Variants in R3HDM2 observed in about 807,000 individuals in gnomAD.
R3HDM2 encodes R3H domain containing 2, also known as R3H domain-containing protein 2.
A neutral mutation model predicts 124.5 loss-of-function variants in R3HDM2; 38 were observed. That is an observed-to-expected ratio of 0.31 (90% CI 0.24 to 0.40). R3HDM2 has a LOEUF of 0.40. Ranked by LOEUF, R3HDM2 falls within the 10% of genes least tolerant of loss-of-function variation. The pLI is 1.00. For missense variants in R3HDM2, 869 were observed against 1,236.9 expected, an observed-to-expected ratio of 0.70 and a Z score of 4.46; for synonymous variants, 391 against 448.0, an observed-to-expected ratio of 0.87 and a Z score of 1.61.
intron 14 of R3HDM2, among the ~76,000 whole-genome samples, chr12:57,278,999 C>G (rs889549250): frequency 6.6e-6 from 1 of 151,836 alleles, no homozygotes; most frequent in East Asian, 1.9e-4. Context: ...GATGAGGGAG[C>G]CTGGGAGGTA....
rs1034828426 is a variant in R3HDM2, at chr12:57,296,237, C to CG, written c.701+173dup. Among the ~76,000 whole-genome samples the CG allele has an allele frequency of 3.3e-5, 5 of 151,476 alleles. No individual in the cohort carries two copies. Among genetic ancestry groups the CG allele is most frequent in the Non-Finnish European group, 7.4e-5 (5 of 67,876 alleles). ...CTTGCTGTGTTGACCAGGCTGGTCT[C>CG]GAACTCCTGGCTTCAAGCAGTCTTC... On this transcript the variant is annotated intron_variant, in intron 9 of 23. Transcript: ENST00000402412. This position sits in a 1 kb window ranked among gnomAD's most constrained non-coding sequence, Gnocchi z 4.5.
At chr12:57,407,821 G>A (rs1594552120) in intron 1 of R3HDM2, among the ~76,000 whole-genome samples, 2 of 152,186 alleles carry the variant, frequency 1.3e-5, no homozygotes, top group African/African-American at 4.8e-5. Context: ...CTAGAGTGCA[G>A]TTGTAAAATC....
chr12:57,404,937 CCACT>C (rs2068394783), intron 1 of R3HDM2, among the ~76,000 whole-genome samples: 1 of 151,694 alleles, frequency 6.6e-6, no homozygotes. Flanking sequence ...AGATACCCAC[CCACT>C]ATGAAACCTT....
chr12:57,320,261 C>CAAAAAAAA lies in R3HDM2; in HGVS notation c.-35-9806_-35-9799dup, dbSNP rs56207989. Among the ~76,000 whole-genome samples, 95 of 14,280 alleles carry CAAAAAAAA rather than the reference C, an allele frequency of 6.7e-3. 20 individuals carry two copies. The highest frequency in any genetic ancestry group is 0.018 in the African/African-American group (81 of 4,406). The allele number at this position is 14,280 out of a possible 152,430, so 9.4% of individuals were successfully genotyped here. On this transcript the variant is annotated intron_variant, in intron 2 of 23. Coordinates refer to ENST00000402412, the MANE Select transcript of R3HDM2 (RefSeq NM_001394031.1). ...GGGCAACAAGAGTGCAACTCTATCT[C>CAAAAAAAA]AAAAAAAAAAAAAAAAAAAAAAAAA...
rs374372500 is a variant in R3HDM2, at chr12:57,346,464, C to CA, written c.-35-36002dup. 2.1e-3 allele frequency among the ~76,000 whole-genome samples: 296 copies of CA among 142,420 alleles called. 6 individuals are homozygous for CA. In the South Asian group the frequency reaches 0.049, roughly 24 times the overall value. 93.4% of individuals were successfully genotyped at this position (142,420 alleles called of 152,430 possible). ...CAAGAGTGAAACTCCATCTCAAAAA[C>CA]AAAAAAAAAAGAAACCATGAGAACT... is the stretch of plus-strand genomic sequence containing the variant. On this transcript the variant is annotated intron_variant, in intron 2 of 23. Transcript: ENST00000402412.
chr12:57,362,429 T>C (rs1338815878), intron 2 of R3HDM2, among the ~76,000 whole-genome samples: 2 of 152,270 alleles, frequency 1.3e-5, no homozygotes, highest in Non-Finnish European at 2.9e-5. Flanking sequence ...AAAATATGTT[T>C]TAATCAACTG....
At chr12:57,371,643 A>G (rs1392145412) in intron 2 of R3HDM2, among the ~76,000 whole-genome samples, 1 of 152,222 alleles carries the variant, frequency 6.6e-6, no homozygotes, top group Non-Finnish European at 1.5e-5. Flanking sequence ...TGCTTCTCAT[A>G]GGGATTTCTC....
At chr12:57,406,798 C>T (rs1008284248) in intron 1 of R3HDM2, among the ~76,000 whole-genome samples, 5 of 152,102 alleles carry the variant, frequency 3.3e-5, no homozygotes, top group Non-Finnish European at 7.3e-5. Context: ...GATATAACTA[C>T]CAATTTGAAG....
intron 2 of R3HDM2, among the ~76,000 whole-genome samples, chr12:57,376,206 C>T (rs529832070): frequency 2.6e-5 from 4 of 152,226 alleles, no homozygotes; most frequent in Non-Finnish European, 5.9e-5. Context: ...GACCAGAGGA[C>T]ATACCTACCT....
intron 1 of R3HDM2, among the ~76,000 whole-genome samples, chr12:57,413,181 CT>C (rs906686538): frequency 1.4e-4 from 22 of 151,906 alleles, no homozygotes; most frequent in African/African-American, 5.3e-4. Flanking sequence ...AAAAAGAAAA[CT>C]TATGTCACCA....
Position 57,268,323 on chromosome 12 carries a change from A to G in R3HDM2, c.2010T>C (p.Pro670=), listed in dbSNP as rs924620709. ...CTCACCTCGTACCGTTCTGCTGAGC[A>G]GGTGGGATCATGCTATAGTACACTG... is the stretch of plus-strand genomic sequence containing the variant. ...GVPVYYSMIP[P]AQQNGTSPSV... is the part of the protein sequence containing the mutation. Residue 670 remains proline, a synonymous_variant, in exon 18 of 24, where the codon CCT becomes CCC. Transcript: ENST00000402412. 1 of 1,613,950 alleles carries G rather than the reference A, an allele frequency of 6.2e-7. No individual in the cohort carries two copies. Among genetic ancestry groups the G allele is most frequent in the Non-Finnish European group, 8.5e-7 (1 of 1,179,890 alleles).
intron 1 of R3HDM2, among the ~76,000 whole-genome samples, chr12:57,430,078 T>C (rs1425424745): frequency 6.6e-6 from 1 of 152,222 alleles, no homozygotes; most frequent in Non-Finnish European, 1.5e-5. Context: ...AGTTCTGGGA[T>C]TGTTATTCGG....
At chr12:57,277,889 TC>T (rs2045219393) in intron 14 of R3HDM2, among the ~76,000 whole-genome samples, 1 of 151,916 alleles carries the variant, frequency 6.6e-6, no homozygotes, top group Non-Finnish European at 1.5e-5. Context: ...GCAACTTTGG[TC>T]TAGGGAGCCC....
chr12:57,369,919 T>C (rs1818282325), intron 2 of R3HDM2, among the ~76,000 whole-genome samples: 1 of 152,208 alleles, frequency 6.6e-6, no homozygotes, highest in South Asian at 2.1e-4. Context: ...TGCTTTAAAT[T>C]ATAAGCACCT....
At chr12:57,320,168 G>A (rs2056100819) in intron 2 of R3HDM2, among the ~76,000 whole-genome samples, 1 of 146,004 alleles carries the variant, frequency 6.8e-6, no homozygotes, top group African/African-American at 2.5e-5. Context: ...GGCTGAAGCA[G>A]GAGAATCGCT....
chr12:57,320,186 G>A (rs765464905), intron 2 of R3HDM2, among the ~76,000 whole-genome samples: 43 of 144,014 alleles, frequency 3.0e-4, no homozygotes, highest in Non-Finnish European at 4.8e-4. Context: ...GCTTGAACCC[G>A]GGAGGTGGAG....
chr12:57,376,433 G>A (rs1349179535), intron 2 of R3HDM2, among the ~76,000 whole-genome samples: 1 of 152,178 alleles, frequency 6.6e-6, no homozygotes, highest in Non-Finnish European at 1.5e-5. Flanking sequence ...AGGCTTGTAG[G>A]ATATCCCTGA....
Position 57,269,650 on chromosome 12 carries a change from G to A in R3HDM2, c.1587+102C>T. ...GAACAACTCTCAAGTGCAAGGTAGG[G>A]AGAGGTATTCCCTCTGGTCTGTCTA... is the stretch of plus-strand genomic sequence containing the variant. On this transcript the variant is annotated intron_variant, in intron 15 of 23. Transcript: ENST00000402412. 4 of 1,519,540 alleles carry A rather than the reference G, an allele frequency of 2.6e-6. No individual in the cohort carries two copies. In the South Asian group the frequency reaches 5.0e-5, roughly 19 times the overall value. The allele number at this position is 1,519,540 out of a possible 1,614,324, so 94.1% of individuals were successfully genotyped here. A position where few individuals can be genotyped will look rare whatever the true frequency, so the allele number is the denominator to read the frequency against.
intron 3 of R3HDM2, among the ~76,000 whole-genome samples, chr12:57,308,459 C>T (rs1442643368): frequency 6.7e-6 from 1 of 149,084 alleles, no homozygotes; most frequent in Non-Finnish European, 1.5e-5. Context: ...CCAAGGCGGG[C>T]AGATCACCTG....
Sources: allele counts gnomAD v4.1 joint callset (sites outside exome capture counted in the v4.1 genomes callset), GRCh38; gene constraint gnomAD v4.1.1; non-coding constraint Gnocchi (gnomAD v3.1); transcripts MANE v1.5; gene names NCBI Gene and HGNC (gene_info 2026-07-23, HGNC 2026-07-21).